The following SPA17 variants were observed in gnomAD, a reference collection of about 807,000 sequenced individuals.
The protein encoded by SPA17 is sperm autoantigenic protein 17, also known as sperm surface protein Sp17.
In SPA17, 7 loss-of-function variants were observed where a neutral mutation model predicts 13.8. The observed-to-expected ratio is 0.51, with a 90% CI of 0.29 to 0.95. The LOEUF (loss-of-function observed/expected upper bound fraction) is 0.95, where lower values mean the gene tolerates loss of function less well. SPA17 is among the 40% of genes least tolerant of loss of function. SPA17 has a pLI of 0.08. For missense variants in SPA17, 170 were observed against 179.3 expected (o/e 0.95, Z 0.30); for synonymous variants, 61 against 59.0 (o/e 1.03, Z -0.16).
At chr11:124,679,586 G>A (rs1018828003) in intron 2 of SPA17, among the ~76,000 whole-genome samples, 2 of 152,142 alleles carry the variant, frequency 1.3e-5, no homozygotes, top group African/African-American at 4.8e-5. Flanking sequence ...GTATTTTCTA[G>A]CTCTGTACAT....
chr11:124,688,033 G>A (rs1275634722), intron 3 of SPA17, among the ~76,000 whole-genome samples: 2 of 152,102 alleles, frequency 1.3e-5, no homozygotes, highest in Non-Finnish European at 2.9e-5. Context: ...ATATATTCAG[G>A]GATGGGGTCT....
chr11:124,696,979 A>C lies in SPA17; in HGVS notation c.*2533A>C, dbSNP rs917189300. The C allele has an allele frequency of 6.6e-6, 1 of 152,178 alleles. No individual in the cohort carries two copies. The highest frequency in any genetic ancestry group is 1.5e-5 in the Non-Finnish European group (1 of 68,038). 9.4% of individuals were successfully genotyped at this position (152,178 alleles called of 1,614,324 possible). On this transcript the variant is annotated 3_prime_UTR_variant, in exon 5 of 5. Transcript: ENST00000227135. ...GGCTGCTCCATTCTTCCATTTGCTC[A>C]GGCCAAAAACCTTGGATTCATCTTT...
chr11:124,692,625 C>T (rs79564170), intron 4 of SPA17, among the ~76,000 whole-genome samples: 1 of 152,140 alleles, frequency 6.6e-6, no homozygotes, highest in African/African-American at 2.4e-5. Context: ...CTCAAAGGCC[C>T]ATTGTTCAGT....
intron 3 of SPA17, among the ~76,000 whole-genome samples, chr11:124,689,874 T>C (rs1169147169): frequency 6.6e-6 from 1 of 152,234 alleles, no homozygotes; most frequent in East Asian, 1.9e-4. Flanking sequence ...TCAATATCAC[T>C]AATCATCAGA....
In SPA17 at chr11:124,694,514, A is replaced by C; in HGVS notation, c.*68A>C. 2.6e-5 allele frequency: 40 copies of C among 1,525,402 alleles called. No homozygotes were observed. Among genetic ancestry groups the C allele is most frequent in the Non-Finnish European group, 3.3e-5 (37 of 1,134,182 alleles). 94.5% of individuals were successfully genotyped at this position (1,525,402 alleles called of 1,614,324 possible). A position where few individuals can be genotyped will look rare whatever the true frequency, so the allele number is the denominator to read the frequency against. The stretch of plus-strand genomic sequence containing the variant: ...ATCCATCAACCTTCTTATTAATGTC[A>C]TTTCTTCCTGAGGAAGGAAGATTTG... On this transcript the variant is annotated 3_prime_UTR_variant, in exon 5 of 5. Transcript: ENST00000227135.
intron 2 of SPA17, among the ~76,000 whole-genome samples, chr11:124,676,751 TAGG>T (rs1207828559): frequency 2.0e-5 from 3 of 152,268 alleles, no homozygotes; most frequent in Non-Finnish European, 4.4e-5. Flanking sequence ...AGAGCAGAGG[TAGG>T]AGGAGGGTGA....
At chr11:124,678,776 G>A (rs1015205541) in intron 2 of SPA17, among the ~76,000 whole-genome samples, 11 of 151,760 alleles carry the variant, frequency 7.2e-5, no homozygotes, top group African/African-American at 1.2e-4. Flanking sequence ...CCATGTTATC[G>A]AGGCTGGTCT....
rs530056074 is a variant in SPA17, at chr11:124,691,343, T to C, written c.226-353T>C. On this transcript the variant is annotated intron_variant, in intron 3 of 4. Transcript: ENST00000227135. ...TATTCCTATTTTAGAAACTATTGGA[T>C]CCTCTTTTTTATACTTTGTTCAGGA... is the stretch of plus-strand genomic sequence containing the variant. Among the ~76,000 whole-genome samples the C allele has an allele frequency of 1.1e-3, 171 of 152,316 alleles. 2 individuals carry two copies. Among genetic ancestry groups the C allele is most frequent in the African/African-American group, 4.0e-3 (165 of 41,586 alleles).
At chr11:124,694,003 A>AC (rs919073366) in intron 4 of SPA17, among the ~76,000 whole-genome samples, 1 of 151,886 alleles carries the variant, frequency 6.6e-6, no homozygotes, top group African/African-American at 2.4e-5. Flanking sequence ...TGTCCCCCCA[A>AC]CCCCCCAAAA....
Position 124,691,735 on chromosome 11 carries a change from G to A in SPA17, c.265G>A (p.Glu89Lys). 2 of 1,612,474 alleles carry A rather than the reference G, an allele frequency of 1.2e-6. No individual in the cohort carries two copies. Among genetic ancestry groups the A allele is most frequent in the East Asian group, 2.2e-5 (1 of 44,702 alleles). ...PPEKSDPKQEESQISGKEEET... is the reference protein window; with the variant it reads ...PPEKSDPKQEKSQISGKEEET... ...TGAGAAAAGTGATCCTAAACAAGAA[G>A]AGTCTCAGATATCTGGGAAGGAGGA... The change falls in exon 4 of 5, where the codon GAG (glutamate) becomes AAG (lysine). Residue 89 changes from glutamate (E) to lysine (K), a missense_variant. Physicochemically the swap from Glu to Lys is moderately conservative, Grantham distance 56 (BLOSUM62 1). Coordinates refer to ENST00000227135, the MANE Select transcript of SPA17 (RefSeq NM_017425.4).
chr11:124,675,067 C>T (rs1943442766), intron 1 of SPA17, 171 bp from the exon 2 acceptor site: 6 of 569,088 alleles, frequency 1.1e-5, no homozygotes, highest in South Asian at 1.0e-4. Context: ...TACTAATTCA[C>T]AATGGAGATT....
chr11:124,676,861 C>G (rs1011991988), intron 2 of SPA17, among the ~76,000 whole-genome samples: 3 of 152,028 alleles, frequency 2.0e-5, no homozygotes, highest in Non-Finnish European at 2.9e-5. Flanking sequence ...AACCATGTAA[C>G]AAATCTGCAC....
chr11:124,691,709 C>T lies in SPA17; in HGVS notation c.239C>T (p.Pro80Leu), dbSNP rs778056980. The T allele has an allele frequency of 5.0e-6, 8 of 1,611,696 alleles. No individual in the cohort carries two copies. The highest frequency in any genetic ancestry group is 6.8e-6 in the Non-Finnish European group (8 of 1,179,182). ...NNHAFEEQEP[P>L]EKSDPKQEES... ...CTATCTGTCCAGGAGCAAGAACCACCTGAGAAAAGTGATCCTAAACAAGAA... is the reference window on the plus strand; with the variant it reads ...CTATCTGTCCAGGAGCAAGAACCACTTGAGAAAAGTGATCCTAAACAAGAA... The change falls in exon 4 of 5, where the codon CCT becomes CTT. Residue 80 changes from proline (P) to leucine (L), a missense_variant. Coordinates refer to ENST00000227135, the MANE Select transcript of SPA17 (RefSeq NM_017425.4).
rs1943669338 is a variant in SPA17, at chr11:124,696,127, A to G, written c.*1681A>G. 6.6e-6 allele frequency: 1 copy of G among 152,266 alleles called. No homozygotes were observed. 9.4% of individuals were successfully genotyped at this position (152,266 alleles called of 1,614,324 possible). ...GTAGAGAGTTTCATGCTAGCTAAAC[A>G]CAAGTCTCTAATATCCCCCTTCCTC... On this transcript the variant is annotated 3_prime_UTR_variant, in exon 5 of 5. Coordinates refer to ENST00000227135, the MANE Select transcript of SPA17 (RefSeq NM_017425.4).
chr11:124,680,350 G>A (rs1320740584), intron 2 of SPA17, among the ~76,000 whole-genome samples: 3 of 152,136 alleles, frequency 2.0e-5, no homozygotes, highest in African/African-American at 7.2e-5. Flanking sequence ...CAGTTTACAG[G>A]AAATTCAAAG....
chr11:124,686,113 A>G (rs775851607), intron 3 of SPA17, among the ~76,000 whole-genome samples: 3 of 142,100 alleles, frequency 2.1e-5, no homozygotes, highest in African/African-American at 7.9e-5. Flanking sequence ...TCCTCACCCA[A>G]ATCTCATCTT....
At position 124,697,215 on chromosome 11, in the gene SPA17, TA is replaced by T. The variant is rs750769084; in HGVS notation, c.*2770del. 1.3e-5 allele frequency: 2 copies of T among 152,194 alleles called. No individual in the cohort carries two copies. Among genetic ancestry groups the T allele is most frequent in the Non-Finnish European group, 1.5e-5 (1 of 68,050 alleles). 9.4% of individuals were successfully genotyped at this position (152,194 alleles called of 1,614,324 possible). A position where few individuals can be genotyped will look rare whatever the true frequency, so the allele number is the denominator to read the frequency against. On this transcript the variant is annotated 3_prime_UTR_variant, in exon 5 of 5. Coordinates refer to ENST00000227135, the MANE Select transcript of SPA17 (RefSeq NM_017425.4). ...ACTACTGCACAACCCATTCCAAAGT[TA>T]GTGGTTTAAGACAATTATATTTTCT...
chr11:124,681,480 T>G (rs774900880), intron 3 of SPA17, 21 bp downstream of exon 3: 2 of 1,531,224 alleles, frequency 1.3e-6, no homozygotes, highest in South Asian at 2.6e-5. Flanking sequence ...TTGAAGCTGT[T>G]GGATTTGGCT....
At position 124,694,260 on chromosome 11, in the gene SPA17, G is replaced by A. The variant is rs778952291; in HGVS notation, c.313-43G>A. Reference sequence around the variant, plus strand: ...TTTATTTTTGTGGCATCAAAACTACGCCATATTTAAAGAGTCTCTTACTTT... The same window carrying A: ...TTTATTTTTGTGGCATCAAAACTACACCATATTTAAAGAGTCTCTTACTTT... On this transcript the variant is annotated intron_variant, in intron 4 of 4. Coordinates refer to ENST00000227135, the MANE Select transcript of SPA17 (RefSeq NM_017425.4). The A allele has an allele frequency of 5.0e-5, 79 of 1,585,920 alleles. No individual in the cohort carries two copies. The Middle Eastern group carries it at 5.5e-4, about 11-fold the overall frequency.
Sources: allele counts gnomAD v4.1 joint callset (sites outside exome capture counted in the v4.1 genomes callset), GRCh38; gene constraint gnomAD v4.1.1; transcripts MANE v1.5; gene names NCBI Gene and HGNC (gene_info 2026-07-23, HGNC 2026-07-21).